The following FBXL17 variants were observed in gnomAD, a reference collection of about 807,000 sequenced individuals.
FBXL17 encodes the protein F-box and leucine rich repeat protein 17.
Under a neutral mutation model 66.2 loss-of-function variants are expected in FBXL17, and 22 were observed. The observed-to-expected ratio is 0.33, with a 90% CI of 0.24 to 0.47. The LOEUF is 0.47. Ranked by LOEUF, FBXL17 falls within the 20% of genes least tolerant of loss-of-function variation. FBXL17 has a pLI of 1.00. For synonymous variants in FBXL17, 474 were observed against 400.5 expected (o/e 1.18, Z -2.19); for missense variants, 878 against 948.2 (o/e 0.93, Z 0.97).
rs540669360 is a variant in FBXL17 at position 108,135,757 on chromosome 5, G to A, written c.1745+50360C>T. ...GGGCTTATGGAGTTCAGAAGCAGAA[G>A]GATAAGATGGTTATTTCCTCTCCAA... On this transcript the variant is annotated intron_variant, in intron 6 of 8. Transcript: ENST00000542267. 8.5e-5 allele frequency among the ~76,000 whole-genome samples: 13 copies of A among 152,204 alleles called. No individual in the cohort carries two copies. The South Asian group carries it at 2.5e-3, about 29-fold the overall frequency.
chr5:107,906,901 AT>A (rs1263157889), intron 7 of FBXL17, among the ~76,000 whole-genome samples: 1 of 152,142 alleles, frequency 6.6e-6, no homozygotes, highest in East Asian at 1.9e-4. Flanking sequence ...ATTAAACTTA[AT>A]TTTCTTTCAA....
intron 6 of FBXL17, among the ~76,000 whole-genome samples, chr5:108,090,186 A>G (rs1252920913): frequency 1.3e-5 from 2 of 152,218 alleles, no homozygotes; most frequent in African/African-American, 2.4e-5. Context: ...AGTAACATGT[A>G]TCATCACTAA....
At chr5:108,315,305 G>A (rs899337960) in intron 4 of FBXL17, among the ~76,000 whole-genome samples, 2 of 151,128 alleles carry the variant, frequency 1.3e-5, no homozygotes, top group Admixed American at 6.6e-5. Flanking sequence ...CTTTTTCTGA[G>A]TTATTTAACA....
intron 1 of FBXL17, among the ~76,000 whole-genome samples, chr5:108,376,467 A>G (rs1184225310): frequency 1.3e-5 from 2 of 152,236 alleles, no homozygotes; most frequent in Admixed American, 6.5e-5. Context: ...AAATTAAGAA[A>G]GCACTTCCAT....
intron 4 of FBXL17, among the ~76,000 whole-genome samples, chr5:108,291,224 C>G (rs1194456679): frequency 6.6e-6 from 1 of 152,136 alleles, no homozygotes; most frequent in Non-Finnish European, 1.5e-5. Flanking sequence ...ATTCTGTCAA[C>G]TCTCAACTGC....
At chr5:108,203,669 G>T (rs1753992138) in intron 5 of FBXL17, among the ~76,000 whole-genome samples, 2 of 152,096 alleles carry the variant, frequency 1.3e-5, no homozygotes, top group South Asian at 4.1e-4. Context: ...CAAATGAAAT[G>T]ATAACCTATG....
At chr5:107,969,754 T>C (rs966344408) in intron 7 of FBXL17, among the ~76,000 whole-genome samples, 4 of 152,060 alleles carry the variant, frequency 2.6e-5, no homozygotes, top group African/African-American at 9.7e-5. Flanking sequence ...CTGCTTGATC[T>C]TCCCCTAAAG....
At chr5:108,106,460 T>C (rs1430037718) in intron 6 of FBXL17, among the ~76,000 whole-genome samples, 2 of 152,138 alleles carry the variant, frequency 1.3e-5, no homozygotes, top group African/African-American at 4.8e-5. Context: ...AAAATGTATA[T>C]ACAAATATTC....
intron 4 of FBXL17, among the ~76,000 whole-genome samples, chr5:108,347,904 T>C (rs1249674225): frequency 6.6e-6 from 1 of 152,192 alleles, no homozygotes; most frequent in Non-Finnish European, 1.5e-5. Context: ...TACCCATGTA[T>C]GTGCTTAAAA....
At chr5:107,896,523 C>G (rs1749389070) in intron 7 of FBXL17, among the ~76,000 whole-genome samples, 1 of 152,144 alleles carries the variant, frequency 6.6e-6, no homozygotes, top group Admixed American at 6.6e-5. Flanking sequence ...GTACATCTCT[C>G]AGTAAATTGC....
At chr5:108,103,227 C>T (rs886712231) in intron 6 of FBXL17, among the ~76,000 whole-genome samples, 3 of 152,236 alleles carry the variant, frequency 2.0e-5, no homozygotes, top group African/African-American at 7.2e-5. Context: ...AGACCCATTT[C>T]ATCAGCTTTA....
intron 6 of FBXL17, among the ~76,000 whole-genome samples, chr5:108,101,383 G>A (rs962670960): frequency 6.6e-6 from 1 of 152,200 alleles, no homozygotes; most frequent in Admixed American, 6.5e-5. Flanking sequence ...GCCTTTCGAT[G>A]TTCCACTATT....
chr5:108,329,366 C>G (rs1052554765), intron 4 of FBXL17, among the ~76,000 whole-genome samples: 1 of 152,196 alleles, frequency 6.6e-6, no homozygotes, highest in Non-Finnish European at 1.5e-5. Flanking sequence ...TAATAAAATT[C>G]ACAGCATTAT....
At chr5:107,970,757 A>G (rs1013148981) in intron 7 of FBXL17, among the ~76,000 whole-genome samples, 1 of 152,090 alleles carries the variant, frequency 6.6e-6, no homozygotes, top group Non-Finnish European at 1.5e-5. Context: ...CTCCCCAAGG[A>G]TTGCTGTAGG....
chr5:108,242,501 T>C (rs1010734831), intron 4 of FBXL17, among the ~76,000 whole-genome samples: 5 of 152,020 alleles, frequency 3.3e-5, no homozygotes, highest in Non-Finnish European at 7.4e-5. Flanking sequence ...GGATTATAGG[T>C]GTAAGCCACT....
intron 6 of FBXL17, among the ~76,000 whole-genome samples, chr5:108,157,625 T>C (rs286777): frequency 0.21 from 31,451 of 151,598 alleles, 3,580 homozygotes; most frequent in South Asian, 0.43. Flanking sequence ...AGGTAAATTA[T>C]TATTTAGCAT....
chr5:108,028,305 C>T (rs373670229), intron 6 of FBXL17, among the ~76,000 whole-genome samples: 4 of 152,038 alleles, frequency 2.6e-5, no homozygotes, highest in African/African-American at 4.8e-5. Flanking sequence ...AAAAGGATAC[C>T]GTGAAATTTA....
chr5:108,287,931 A>C (rs1482859431), intron 4 of FBXL17, among the ~76,000 whole-genome samples: 1 of 150,172 alleles, frequency 6.7e-6, no homozygotes, highest in Admixed American at 6.6e-5. Flanking sequence ...AATACTACCT[A>C]GTCATAAAAA....
At chr5:108,374,960 T>C (rs1258669410) in intron 1 of FBXL17, among the ~76,000 whole-genome samples, 1 of 151,660 alleles carries the variant, frequency 6.6e-6, no homozygotes, top group East Asian at 1.9e-4. Flanking sequence ...GAAAACTCAA[T>C]ACAAACTAAG....
Sources: gnomAD v4.1 joint callset for allele counts (sites outside exome capture counted in the v4.1 genomes callset) on GRCh38, gnomAD v4.1.1 for gene constraint, MANE v1.5 for transcripts, NCBI Gene and HGNC (gene_info 2026-07-23, HGNC 2026-07-21) for gene names.